The following PCBP3 variants were observed in gnomAD, a reference collection of about 807,000 sequenced individuals.
PCBP3 encodes poly(rC) binding protein 3.
Under a neutral mutation model 52.7 loss-of-function variants are expected in PCBP3, and 25 were observed. That is an observed-to-expected ratio of 0.47 (90% confidence interval 0.35 to 0.66). The LOEUF (loss-of-function observed/expected upper bound fraction) is 0.66, where lower values mean the gene tolerates loss of function less well. Ranked by LOEUF, PCBP3 falls within the 30% of genes least tolerant of loss-of-function variation. PCBP3 has a pLI of 0.01. For missense variants in PCBP3, 391 were observed against 490.3 expected, an observed-to-expected ratio of 0.80 and a Z score of 1.91; for synonymous variants, 162 against 183.0, an observed-to-expected ratio of 0.89 and a Z score of 0.93.
chr21:45,850,742 A>G (rs1030130929), intron 5 of PCBP3, among the ~76,000 whole-genome samples: 1 of 152,256 alleles, frequency 6.6e-6, no homozygotes, highest in Non-Finnish European at 1.5e-5. Flanking sequence ...GTTACTTTCT[A>G]AGCATACAGA....
Position 45,702,503 on chromosome 21 carries a change from A to G in PCBP3, c.-199-32889A>G, listed in dbSNP as rs148701973. 7.0e-3 allele frequency among the ~76,000 whole-genome samples: 1,069 copies of G among 152,338 alleles called. 10 individuals are homozygous for G. The highest frequency in any genetic ancestry group is 8.9e-3 in the Non-Finnish European group (604 of 68,022). On this transcript the variant is annotated intron_variant, in intron 2 of 17. Transcript: ENST00000681687. ...ATTTTTTGGTTTCTCAAGGCAAACA[A>G]AAGTTATGTTTACACTCTAGTCTAT... is the stretch of plus-strand genomic sequence containing the variant.
At chr21:45,774,326 G>C (rs1259128952) in intron 4 of PCBP3, among the ~76,000 whole-genome samples, 1 of 150,284 alleles carries the variant, frequency 6.7e-6, no homozygotes, top group East Asian at 1.9e-4. Flanking sequence ...AGAGTCCCTT[G>C]AACCTGTGAA....
At chr21:45,854,114 C>T (rs900975977) in intron 5 of PCBP3, 1 of 152,050 alleles carries the variant, frequency 6.6e-6, no homozygotes, top group South Asian at 2.1e-4. Context: ...GAGGCCTCTA[C>T]GTTTCACAGC....
chr21:45,660,998 A>C (rs1339275194), intron 1 of PCBP3, among the ~76,000 whole-genome samples: 1 of 152,062 alleles, frequency 6.6e-6, no homozygotes, highest in Non-Finnish European at 1.5e-5. Context: ...CTGAGATTGC[A>C]CCATTGCACT....
intron 1 of PCBP3, among the ~76,000 whole-genome samples, chr21:45,644,348 C>A (rs953167438): frequency 2.0e-5 from 3 of 151,754 alleles, no homozygotes; most frequent in Non-Finnish European, 4.4e-5. Flanking sequence ...GCGGCCTCAC[C>A]CCTCGGTGAC....
chr21:45,816,590 A>AATCGTGCATGCCACTGTCTTCC (rs1193612301), intron 4 of PCBP3, among the ~76,000 whole-genome samples: 1 of 145,726 alleles, frequency 6.9e-6, no homozygotes, highest in Non-Finnish European at 1.5e-5. Flanking sequence ...ACAGGGTCAG[A>AATCGTGCATGCCACTGTCTTCC]ATCGTGCATG....
chr21:45,912,467 G>A (rs1355337103), intron 11 of PCBP3, among the ~76,000 whole-genome samples: 1 of 152,192 alleles, frequency 6.6e-6, no homozygotes, highest in Admixed American at 6.5e-5. Context: ...GGGCTTGGTA[G>A]TGGGCATGCC....
At chr21:45,894,154 C>G (rs747102575) in intron 5 of PCBP3, 1 of 415,080 alleles carries the variant, frequency 2.4e-6, no homozygotes, top group Non-Finnish European at 3.2e-6. Context: ...CCAGGTGACC[C>G]GCACGGCACA....
intron 2 of PCBP3, among the ~76,000 whole-genome samples, chr21:45,727,731 C>G (rs149622792): frequency 6.6e-6 from 1 of 152,020 alleles, no homozygotes; most frequent in African/African-American, 2.4e-5. Context: ...GGTGTGGGCT[C>G]TGGATTGGTG....
intron 2 of PCBP3, among the ~76,000 whole-genome samples, chr21:45,703,158 A>T (rs1302647959): frequency 6.6e-6 from 1 of 152,228 alleles, no homozygotes; most frequent in Non-Finnish European, 1.5e-5. Flanking sequence ...CCTTAAAGGC[A>T]TCCGTGAGGG....
At position 45,657,867 on chromosome 21, in the gene PCBP3, T is replaced by C. The variant is rs1033757288; in HGVS notation, c.-278-11007T>C. 5.9e-5 allele frequency among the ~76,000 whole-genome samples: 9 copies of C among 152,252 alleles called. 1 individual carries two copies. The highest frequency in any genetic ancestry group is 3.9e-4 in the Admixed American group (6 of 15,288). On this transcript the variant is annotated intron_variant, in intron 1 of 17. Coordinates refer to ENST00000681687, the MANE Select transcript of PCBP3 (RefSeq NM_001384156.1). ...ATATTATCTGCAGATATAGATACTT[T>C]TAATTCTTTGCTTCTAATCTGCATG...
intron 5 of PCBP3, chr21:45,869,106 T>A (rs1226011194): frequency 3.7e-4 from 56 of 152,344 alleles, no homozygotes; most frequent in African/African-American, 1.3e-3. Context: ...CAAGTATCTG[T>A]AACTTTCTCC....
intron 1 of PCBP3, among the ~76,000 whole-genome samples, chr21:45,647,196 A>G (rs2079373572): frequency 1.3e-5 from 2 of 152,182 alleles, no homozygotes; most frequent in Non-Finnish European, 1.5e-5. Context: ...CTGTGGCCCC[A>G]TTTGTTGTAC....
chr21:45,679,668 C>G (rs946425589), intron 2 of PCBP3, among the ~76,000 whole-genome samples: 7 of 152,154 alleles, frequency 4.6e-5, no homozygotes, highest in Admixed American at 6.5e-5. Context: ...TGTCTCCCAT[C>G]CTGTATCTGC....
chr21:45,709,968 T>C (rs984711042), intron 2 of PCBP3, among the ~76,000 whole-genome samples: 3 of 152,152 alleles, frequency 2.0e-5, no homozygotes, highest in Non-Finnish European at 4.4e-5. Flanking sequence ...TCTGGTGTTT[T>C]CTGGTGATTA....
chr21:45,816,158 C>A (rs916846656), intron 4 of PCBP3, among the ~76,000 whole-genome samples: 1 of 149,564 alleles, frequency 6.7e-6, no homozygotes, highest in Admixed American at 6.7e-5. Flanking sequence ...ATGAGTGAAT[C>A]TGAAGGCCAG....
rs373501622 is a variant in PCBP3 at position 45,904,781 on chromosome 21, T to TCGTC, written c.339+3669_339+3672dup. On this transcript the variant is annotated intron_variant, in intron 9 of 17. Coordinates refer to ENST00000681687, the MANE Select transcript of PCBP3 (RefSeq NM_001384156.1). The surrounding 1 kb of genome is among the most constrained non-coding windows in gnomAD (Gnocchi z 4.8). ...TGAAGGTGCTCAGAGGGCCCTTGAGTCGTCGCTCTGGGGCCGTGTCTCACC... is the reference window on the plus strand; with the variant it reads ...TGAAGGTGCTCAGAGGGCCCTTGAGTCGTCCGTCGCTCTGGGGCCGTGTCTCACC... Among the ~76,000 whole-genome samples the TCGTC allele has an allele frequency of 3.5e-3, 531 of 152,208 alleles. 1 individual carries two copies. Among genetic ancestry groups the TCGTC allele is most frequent in the African/African-American group, 0.011 (470 of 41,512 alleles).
chr21:45,644,815 C>A (rs1186687886), intron 1 of PCBP3, among the ~76,000 whole-genome samples: 2 of 152,168 alleles, frequency 1.3e-5, no homozygotes, highest in African/African-American at 4.8e-5. Flanking sequence ...AGACTCCCCC[C>A]ATTTCAAAAA....
intron 4 of PCBP3, among the ~76,000 whole-genome samples, chr21:45,807,077 A>G (rs561385194): frequency 3.0e-3 from 461 of 152,330 alleles, no homozygotes; most frequent in South Asian, 0.013. Flanking sequence ...CCCACAGCCA[A>G]TATCACACGA....
Sources: gnomAD v4.1 joint callset for allele counts (sites outside exome capture counted in the v4.1 genomes callset) on GRCh38, gnomAD v4.1.1 for gene constraint, Gnocchi (gnomAD v3.1) non-coding constraint, MANE v1.5 for transcripts, NCBI Gene and HGNC (gene_info 2026-07-23, HGNC 2026-07-21) for gene names.